The following MIDN variants were observed in gnomAD, a reference collection of about 807,000 sequenced individuals.
MIDN encodes midnolin.
MIDN carries 26 observed loss-of-function variants against 46.1 expected under a neutral mutation model. The observed-to-expected ratio is 0.56, with a 90% CI of 0.41 to 0.78. The LOEUF (loss-of-function observed/expected upper bound fraction) is 0.78. MIDN is among the 30% of genes least tolerant of loss of function. MIDN has a pLI of 0.00. For synonymous variants in MIDN, 432 were observed against 343.3 expected (o/e 1.26, Z -2.86); for missense variants, 850 against 771.8 (o/e 1.10, Z -1.20).
chr19:1,251,149 A>G (rs1240448692), intron 2 of MIDN: 2 of 159,198 alleles, frequency 1.3e-5, no homozygotes, highest in East Asian at 1.9e-4. Flanking sequence ...GCCCGGCGCA[A>G]CCCCCAGGGC....
intron 8 of MIDN, among the ~76,000 whole-genome samples, chr19:1,256,712 T>G (rs1456555138): frequency 1.3e-5 from 2 of 152,110 alleles, no homozygotes; most frequent in Non-Finnish European, 2.9e-5. Context: ...GGGGTCTCGC[T>G]CTGTGGCTCA....
chr19:1,249,209 G>C (rs2081090908), intron 1 of MIDN, among the ~76,000 whole-genome samples: 1 of 147,904 alleles, frequency 6.8e-6, no homozygotes, highest in Non-Finnish European at 1.5e-5. Context: ...GCGGGTGGGC[G>C]CGCGGGGCCC....
At chr19:1,254,621 G>A in intron 6 of MIDN, 143 bp downstream of exon 6, 2 of 928,682 alleles carry the variant, frequency 2.2e-6, no homozygotes, top group East Asian at 5.3e-5. Context: ...GGGCTGGTGG[G>A]TGATCCCCCA....
chr19:1,249,019 G>A (rs1335619649), intron 1 of MIDN, among the ~76,000 whole-genome samples: 2 of 151,980 alleles, frequency 1.3e-5, no homozygotes, highest in Non-Finnish European at 2.9e-5. Context: ...CCCTGCCAGG[G>A]GCAGCGCGGC....
intron 2 of MIDN, chr19:1,251,233 C>G (rs1463926964): frequency 3.3e-6 from 1 of 306,468 alleles, no homozygotes; most frequent in Non-Finnish European, 6.1e-6. Flanking sequence ...GGGGCAGGGG[C>G]TGCCCTGGGG....
At chr19:1,254,840 C>T in intron 6 of MIDN, 62 bp from the exon 7 acceptor site, 2 of 1,532,770 alleles carry the variant, frequency 1.3e-6, no homozygotes, top group Non-Finnish European at 1.8e-6. Context: ...TCTCTGGTCC[C>T]TGGGTTGCTG....
chr19:1,250,616 G>C (rs1338734158), intron 2 of MIDN, 87 bp downstream of exon 2: 2 of 710,590 alleles, frequency 2.8e-6, no homozygotes, highest in Admixed American at 5.5e-5. Flanking sequence ...GGGAAGGCAG[G>C]GGGCGGCCAG....
rs994104868 is a variant in MIDN at position 1,253,928 on chromosome 19, C to T, written c.385-26C>T. 4.4e-5 allele frequency: 61 copies of T among 1,376,852 alleles called. No individual in the cohort carries two copies. The Admixed American group carries it at 6.1e-4, about 14-fold the overall frequency. 85.3% of individuals were successfully genotyped at this position (1,376,852 alleles called of 1,614,324 possible). A position where few individuals can be genotyped will look rare whatever the true frequency, so the allele number is the denominator to read the frequency against. On this transcript the variant is annotated intron_variant, in intron 4 of 8. Coordinates refer to ENST00000682408, the MANE Select transcript of MIDN (RefSeq NM_001388306.1). The stretch of plus-strand genomic sequence containing the variant: ...AGTTGGCCAGGGAGGGGCAGGCCCC[C>T]GTCTGACCCGCCTCTGTCCCCACAG...
intron 4 of MIDN, among the ~76,000 whole-genome samples, chr19:1,252,545 CTTTT>C (rs564825213): frequency 2.7e-4 from 40 of 146,360 alleles, no homozygotes; most frequent in African/African-American, 9.2e-4. Flanking sequence ...TTGCTGCGGA[CTTTT>C]TTTTTTTTTT....
intron 4 of MIDN, among the ~76,000 whole-genome samples, chr19:1,253,237 C>T (rs570176233): frequency 1.8e-4 from 28 of 151,382 alleles, no homozygotes; most frequent in Admixed American, 4.6e-4. Flanking sequence ...GGTAGGGGGC[C>T]GGGCAGGCTG....
chr19:1,249,688 A>AGG (rs375443515), intron 1 of MIDN, among the ~76,000 whole-genome samples: 36 of 146,694 alleles, frequency 2.5e-4, no homozygotes, highest in South Asian at 6.3e-4. Flanking sequence ...GGGCGGGGCG[A>AGG]GGGGGCGGGC....
chr19:1,251,456 A>C, intron 2 of MIDN, 106 bp from the exon 3 acceptor site: 2 of 985,856 alleles, frequency 2.0e-6, no homozygotes, highest in Non-Finnish European at 3.0e-6. Context: ...GGGGGTGGGA[A>C]CTTATCCGTC....
At chr19:1,251,941 G>C (rs1599978048) in intron 4 of MIDN, 40 bp downstream of exon 4, 1 of 1,575,914 alleles carries the variant, frequency 6.3e-7, no homozygotes, top group Middle Eastern at 1.7e-4. Flanking sequence ...GGCAGCCCTG[G>C]GAGCAGGGTG....
At chr19:1,253,199 TC>T (rs1192846348) in intron 4 of MIDN, among the ~76,000 whole-genome samples, 1 of 150,882 alleles carries the variant, frequency 6.6e-6, no homozygotes, top group Non-Finnish European at 1.5e-5. Context: ...CCCGGGCCCT[TC>T]CTGCAAAGGC....
intron 6 of MIDN, 127 bp from the exon 7 acceptor site, chr19:1,254,775 T>A: frequency 2.6e-6 from 3 of 1,165,580 alleles, no homozygotes; most frequent in Non-Finnish European, 2.4e-6. Context: ...CTTGGGCTAG[T>A]TTATCTCTAA....
chr19:1,256,853 CT>C, intron 8 of MIDN, 141 bp from the exon 9 acceptor site: 1 of 1,270,584 alleles, frequency 7.9e-7, no homozygotes, highest in Non-Finnish European at 1.1e-6. Context: ...GGTGGATGTC[CT>C]TGACTGTTTC....
intron 2 of MIDN, 130 bp downstream of exon 2, chr19:1,250,659 G>T: frequency 3.3e-6 from 1 of 299,580 alleles, no homozygotes; most frequent in Non-Finnish European, 5.2e-6. Flanking sequence ...GCGCTCTCGG[G>T]CGCCCTCTGC....
chr19:1,254,295 TGCGGCCGCC>T lies in MIDN; in HGVS notation c.645_653del (p.Ala219_Ala221del). 6.4e-7 allele frequency: 1 copy of T among 1,569,654 alleles called. No homozygotes were observed. The highest frequency in any genetic ancestry group is 8.6e-7 in the Non-Finnish European group (1 of 1,165,414). ...TGCAACACCGCCATGTGCTGGCCGC[TGCGGCCGCC>T]GCCGCTGCTGCGCGGGGGGACCCCA... On this transcript the variant is annotated inframe_deletion, in exon 6 of 9. Transcript: ENST00000682408.
chr19:1,251,526 T>C (rs2081127921), intron 2 of MIDN, 36 bp from the exon 3 acceptor site: 1 of 1,594,630 alleles, frequency 6.3e-7, no homozygotes, highest in Admixed American at 1.7e-5. Flanking sequence ...CTGTGTCGTC[T>C]CCGCGGAGTC....
Sources: gnomAD v4.1 joint callset for allele counts (sites outside exome capture counted in the v4.1 genomes callset) on GRCh38, gnomAD v4.1.1 for gene constraint, MANE v1.5 for transcripts, NCBI Gene and HGNC (gene_info 2026-07-23, HGNC 2026-07-21) for gene names.